The following CNTLN variants were observed in gnomAD, a reference collection of about 807,000 sequenced individuals.
The protein encoded by CNTLN is centlein, also known as centlein, centrosomal protein.
Under a neutral mutation model 180.0 loss-of-function variants are expected in CNTLN, and 212 were observed. The observed-to-expected ratio is 1.18, with a 90% CI of 1.05 to 1.32. CNTLN has a LOEUF of 1.32. Among genes scored for constraint, CNTLN ranks in the 40% most tolerant of loss-of-function variants. The probability of loss-of-function intolerance (pLI) is 0.00; values close to 1 mark genes in which losing one functional copy is unlikely to be tolerated. For synonymous variants in CNTLN, 722 were observed against 563.1 expected (o/e 1.28, Z -3.99); for missense variants, 2,095 against 1,610.9 (o/e 1.30, Z -5.14).
intron 2 of CNTLN, among the ~76,000 whole-genome samples, chr9:17,209,365 C>A (rs1259574260): frequency 1.3e-5 from 2 of 152,056 alleles, no homozygotes; most frequent in Admixed American, 1.3e-4. Flanking sequence ...GATCCATGTG[C>A]TGAGGAGAAG....
At chr9:17,482,317 C>A (rs1000560267) in intron 23 of CNTLN, among the ~76,000 whole-genome samples, 1 of 151,478 alleles carries the variant, frequency 6.6e-6, no homozygotes, top group Non-Finnish European at 1.5e-5. Flanking sequence ...TATTTGAATT[C>A]CTAGAAAAAG....
intron 6 of CNTLN, among the ~76,000 whole-genome samples, chr9:17,284,610 C>A (rs545923921): frequency 6.6e-6 from 1 of 151,570 alleles, no homozygotes; most frequent in African/African-American, 2.4e-5. Flanking sequence ...GTGACATCCC[C>A]TTTATCTTTT....
At chr9:17,524,177 A>T in the CNTLN span, among the ~76,000 whole-genome samples, 3 of 152,196 alleles carry the variant, frequency 2.0e-5, no homozygotes, top group Non-Finnish European at 4.4e-5. Context: ...ATGTATGTGC[A>T]TACATATGTA....
intron 5 of CNTLN, among the ~76,000 whole-genome samples, chr9:17,262,143 C>T (rs764161461): frequency 6.6e-6 from 1 of 151,496 alleles, no homozygotes; most frequent in African/African-American, 2.4e-5. Flanking sequence ...CAAATTAGTT[C>T]AACCATTGTG....
chr9:17,323,860 C>T (rs569199411), intron 8 of CNTLN, among the ~76,000 whole-genome samples: 2 of 152,152 alleles, frequency 1.3e-5, no homozygotes, highest in African/African-American at 4.8e-5. Context: ...AACAAGGTCA[C>T]ACCCAGATGC....
At chr9:17,496,102 T>A (rs769429397) in intron 25 of CNTLN, among the ~76,000 whole-genome samples, 5 of 152,190 alleles carry the variant, frequency 3.3e-5, no homozygotes, top group Non-Finnish European at 7.3e-5. Context: ...TGAGGAGGTA[T>A]AATTCACTAT....
chr9:17,281,575 T>C (rs1206184555), intron 6 of CNTLN, among the ~76,000 whole-genome samples: 1 of 152,160 alleles, frequency 6.6e-6, no homozygotes, highest in East Asian at 1.9e-4. Flanking sequence ...CTGACGATAA[T>C]GGCTTCCAGC....
At chr9:17,432,795 A>C (rs1214888105) in intron 18 of CNTLN, among the ~76,000 whole-genome samples, 1 of 152,074 alleles carries the variant, frequency 6.6e-6, no homozygotes, top group African/African-American at 2.4e-5. Flanking sequence ...AGAGGTGGGC[A>C]GATCACCTGA....
intron 5 of CNTLN, among the ~76,000 whole-genome samples, chr9:17,249,898 G>A (rs1826039131): frequency 6.8e-6 from 1 of 147,318 alleles, no homozygotes; most frequent in Admixed American, 6.9e-5. Context: ...GGTGTATCTA[G>A]TATGTAATGT....
intron 23 of CNTLN, among the ~76,000 whole-genome samples, chr9:17,477,910 A>C (rs1832438637): frequency 1.3e-5 from 2 of 152,248 alleles, no homozygotes; most frequent in Admixed American, 1.3e-4. Flanking sequence ...ACTGAACAGC[A>C]TCACATGCTA....
At chr9:17,422,925 A>C (rs1583985) in intron 18 of CNTLN, among the ~76,000 whole-genome samples, 125,731 of 151,732 alleles carry the variant, frequency 0.83, 52,974 homozygotes, top group Non-Finnish European at 0.91. Flanking sequence ...GAAGCCACAA[A>C]TCCGCTAGGG....
At chr9:17,220,213 T>G (rs1382369893) in intron 2 of CNTLN, among the ~76,000 whole-genome samples, 2 of 152,090 alleles carry the variant, frequency 1.3e-5, no homozygotes, top group East Asian at 3.9e-4. Context: ...GTGTACATAC[T>G]TGTGTCATAG....
At chr9:17,237,514 A>G (rs1185552084) in intron 5 of CNTLN, among the ~76,000 whole-genome samples, 1 of 152,116 alleles carries the variant, frequency 6.6e-6, no homozygotes, top group Non-Finnish European at 1.5e-5. Context: ...TAACAATACA[A>G]TAATTAAAAA....
chr9:17,227,312 A>G (rs942056796), intron 3 of CNTLN, among the ~76,000 whole-genome samples: 9 of 151,980 alleles, frequency 5.9e-5, no homozygotes, highest in Non-Finnish European at 8.8e-5. Context: ...ACAATTACAT[A>G]TAATTATATG....
chr9:17,226,647 C>G (rs4272490), intron 3 of CNTLN, among the ~76,000 whole-genome samples: 1 of 151,670 alleles, frequency 6.6e-6, no homozygotes, highest in Non-Finnish European at 1.5e-5. Context: ...AATTGAGATC[C>G]TATTATTTAC....
chr9:17,185,059 C>T (rs890202380), intron 2 of CNTLN, among the ~76,000 whole-genome samples: 1 of 152,216 alleles, frequency 6.6e-6, no homozygotes, highest in Admixed American at 6.5e-5. Flanking sequence ...CCAAATGCTC[C>T]TTTGTTAGAG....
At chr9:17,180,627 C>T (rs967646666) in intron 2 of CNTLN, among the ~76,000 whole-genome samples, 6 of 151,802 alleles carry the variant, frequency 4.0e-5, no homozygotes, top group Admixed American at 1.3e-4. Flanking sequence ...TTTGCCTTTA[C>T]TCTTTTCCTT....
chr9:17,135,069 G>C lies in CNTLN; in HGVS notation c.4G>C (p.Ala2Pro). 6.3e-7 allele frequency: 1 copy of C among 1,596,686 alleles called. No homozygotes were observed. The highest frequency in any genetic ancestry group is 8.5e-7 in the Non-Finnish European group (1 of 1,175,900). ...TGACCCGTTAGCAGCCGCAGCCATG[G>C]CGGCGCGTTCGCCTCCCTCACCGCA... M[A>P]ARSPPSPHPS... The change falls in exon 1 of 26, where the codon GCG becomes CCG. Residue 2 changes from alanine (A) to proline (P), a missense_variant. Coordinates refer to ENST00000380647, the MANE Select transcript of CNTLN (RefSeq NM_017738.4).
chr9:17,355,880 T>C (rs12216899), intron 12 of CNTLN, among the ~76,000 whole-genome samples: 110 of 126,438 alleles, frequency 8.7e-4, no homozygotes, highest in Non-Finnish European at 1.5e-3. Flanking sequence ...CTGGCCAACA[T>C]AGTGAAAGCC....
Sources: allele counts gnomAD v4.1 joint callset (sites outside exome capture counted in the v4.1 genomes callset), GRCh38; gene constraint gnomAD v4.1.1; transcripts MANE v1.5; gene names NCBI Gene and HGNC (gene_info 2026-07-23, HGNC 2026-07-21).